PLCXD2: variants seen among roughly 807,000 people sequenced by gnomAD.
The protein encoded by PLCXD2 is phosphatidylinositol specific phospholipase C X domain containing 2.
Under a neutral mutation model 28.6 loss-of-function variants are expected in PLCXD2, and 21 were observed. The ratio of observed to expected loss-of-function variants is 0.73; its 90% CI spans 0.52 to 1.06. PLCXD2 has a LOEUF of 1.06. Among genes scored for constraint, PLCXD2 ranks in the 50% least tolerant of loss-of-function variants. The pLI, the probability that PLCXD2 is intolerant of heterozygous loss-of-function variation, is 0.00. For synonymous variants in PLCXD2, 140 were observed against 150.1 expected (o/e 0.93, Z 0.49); for missense variants, 369 against 376.7 (o/e 0.98, Z 0.17).
At chr3:111,704,796 T>C (rs1452809644) in intron 1 of PLCXD2, among the ~76,000 whole-genome samples, 1 of 151,212 alleles carries the variant, frequency 6.6e-6, no homozygotes, top group Non-Finnish European at 1.5e-5. Context: ...ACACCAGACT[T>C]CATTCCTCCT....
chr3:111,694,342 A>G (rs955661705), intron 1 of PLCXD2, among the ~76,000 whole-genome samples: 1 of 152,244 alleles, frequency 6.6e-6, no homozygotes, highest in African/African-American at 2.4e-5. Context: ...GTTGGTGCTC[A>G]GCAAACAGAA....
Position 111,718,531 on chromosome 3 carries a change from A to T in PLCXD2, c.866+4403A>T, listed in dbSNP as rs753092349. Among the ~76,000 whole-genome samples, 100 of 112,560 alleles carry T rather than the reference A, an allele frequency of 8.9e-4. 1 individual carries two copies. Among genetic ancestry groups the T allele is most frequent in the African/African-American group, 2.5e-3 (77 of 30,878 alleles). 73.8% of individuals were successfully genotyped at this position (112,560 alleles called of 152,430 possible). Reference sequence around the variant, plus strand: ...TAGATAGATAGATAGATAGATAGATAGATTGATTGATTTATGATATGTGTT... The same window carrying T: ...TAGATAGATAGATAGATAGATAGATTGATTGATTGATTTATGATATGTGTT... On this transcript the variant is annotated intron_variant, in intron 3 of 4. Transcript: ENST00000477665.
intron 3 of PLCXD2, chr3:111,721,285 C>T (rs1327339398): frequency 6.6e-6 from 1 of 152,588 alleles, no homozygotes; most frequent in African/African-American, 2.4e-5. Context: ...AAACACATTC[C>T]TGGTGAAAAA....
chr3:111,682,429 A>G (rs1415823989), intron 1 of PLCXD2, among the ~76,000 whole-genome samples: 1 of 152,192 alleles, frequency 6.6e-6, no homozygotes, highest in Non-Finnish European at 1.5e-5. Flanking sequence ...TTAATGTCCA[A>G]TTACTCTAGA....
chr3:111,715,738 C>T (rs2107870343), intron 3 of PLCXD2, among the ~76,000 whole-genome samples: 1 of 152,284 alleles, frequency 6.6e-6, no homozygotes, highest in South Asian at 2.1e-4. Flanking sequence ...TAGTAAAAGT[C>T]AAGAATACCT....
chr3:111,713,867 T>C lies in PLCXD2; in HGVS notation c.625-20T>C. 1 of 1,603,310 alleles carries C rather than the reference T, an allele frequency of 6.2e-7. No homozygotes were observed. Among genetic ancestry groups the C allele is most frequent in the Non-Finnish European group, 8.5e-7 (1 of 1,171,618 alleles). ...GCATTTTTATGGATTGCTCTCCTTT[T>C]TGTGTTTTGAATATTTCAGGTTCTT... On this transcript the variant is annotated intron_variant, in intron 2 of 4. Coordinates refer to ENST00000477665, the MANE Select transcript of PLCXD2 (RefSeq NM_001185106.1).
intron 1 of PLCXD2, among the ~76,000 whole-genome samples, chr3:111,679,694 G>A (rs1162050061): frequency 2.6e-5 from 4 of 152,134 alleles, no homozygotes; most frequent in African/African-American, 7.2e-5. Context: ...TTGTTATTGC[G>A]CATAATATTC....
chr3:111,678,663 A>G (rs1940663301), intron 1 of PLCXD2, among the ~76,000 whole-genome samples: 1 of 152,228 alleles, frequency 6.6e-6, no homozygotes, highest in African/African-American at 2.4e-5. Flanking sequence ...TGTAATATTG[A>G]AGAAGTATCT....
intron 1 of PLCXD2, among the ~76,000 whole-genome samples, chr3:111,705,001 G>A (rs1348597225): frequency 2.0e-5 from 3 of 151,970 alleles, no homozygotes; most frequent in Non-Finnish European, 4.4e-5. Flanking sequence ...TTTTAAGGTA[G>A]AGACAGGGTT....
At chr3:111,712,360 AC>A in intron 2 of PLCXD2, among the ~76,000 whole-genome samples, 1 of 151,832 alleles carries the variant, frequency 6.6e-6, no homozygotes, top group East Asian at 1.9e-4. Context: ...ACCGCCTCCC[AC>A]CTCTCCCACG....
intron 3 of PLCXD2, among the ~76,000 whole-genome samples, chr3:111,718,338 G>T (rs988766510): frequency 6.6e-6 from 1 of 152,052 alleles, no homozygotes; most frequent in Non-Finnish European, 1.5e-5. Context: ...GGTGGCGGGC[G>T]CCTGTAGTCC....
At chr3:111,694,783 G>T (rs901907506) in intron 1 of PLCXD2, among the ~76,000 whole-genome samples, 2 of 152,154 alleles carry the variant, frequency 1.3e-5, no homozygotes, top group Non-Finnish European at 2.9e-5. Context: ...CTCTCTGAAG[G>T]GCCAGAGAGG....
intron 1 of PLCXD2, among the ~76,000 whole-genome samples, chr3:111,692,193 C>T (rs1421535227): frequency 1.3e-5 from 2 of 152,192 alleles, no homozygotes; most frequent in East Asian, 3.9e-4. Flanking sequence ...AGGCACCCAC[C>T]ACCACGCCCG....
At chr3:111,681,424 C>G (rs566526536) in intron 1 of PLCXD2, among the ~76,000 whole-genome samples, 5 of 152,352 alleles carry the variant, frequency 3.3e-5, no homozygotes, top group African/African-American at 1.2e-4. Context: ...CTAACCCAGT[C>G]ATTTTGTTCC....
At chr3:111,722,675 A>C (rs866697555) in intron 3 of PLCXD2, 10 of 152,200 alleles carry the variant, frequency 6.6e-5, no homozygotes, top group African/African-American at 2.4e-4. Flanking sequence ...TGCATTTATA[A>C]AGATTGTCAG....
At chr3:111,685,954 A>T (rs967764272) in intron 1 of PLCXD2, among the ~76,000 whole-genome samples, 1 of 152,226 alleles carries the variant, frequency 6.6e-6, no homozygotes, top group South Asian at 2.1e-4. Context: ...TTTGGCTCAC[A>T]TAAATCATAG....
intron 1 of PLCXD2, chr3:111,677,355 G>A (rs1481009383): frequency 6.6e-6 from 1 of 152,150 alleles, no homozygotes; most frequent in Non-Finnish European, 1.5e-5. Context: ...GATAAAAGCT[G>A]GCAGTCAAGT....
At position 111,675,290 on chromosome 3, in the gene PLCXD2, C is replaced by T. The variant is rs1326199898; in HGVS notation, c.45C>T (p.Thr15=). ...CCAGGAGGAAACTCAGGATGGGGAC[C>T]ATCTGCTCCCCCAACCCCAGCGGGA... The change falls in exon 1 of 5, where the codon ACC becomes ACT. Residue 15 remains threonine, a synonymous_variant. Coordinates refer to ENST00000477665, the MANE Select transcript of PLCXD2 (RefSeq NM_001185106.1). 4 of 1,613,992 alleles carry T rather than the reference C, an allele frequency of 2.5e-6. No individual in the cohort carries two copies. Among genetic ancestry groups the T allele is most frequent in the South Asian group, 1.1e-5 (1 of 91,080 alleles).
chr3:111,681,169 A>C (rs971210879), intron 1 of PLCXD2, among the ~76,000 whole-genome samples: 1 of 152,156 alleles, frequency 6.6e-6, no homozygotes, highest in Non-Finnish European at 1.5e-5. Context: ...AAGTTAAGGG[A>C]AGGATACACG....
Sources: gnomAD v4.1 joint callset for allele counts (sites outside exome capture counted in the v4.1 genomes callset) on GRCh38, gnomAD v4.1.1 for gene constraint, MANE v1.5 for transcripts, NCBI Gene and HGNC (gene_info 2026-07-23, HGNC 2026-07-21) for gene names.